The following PPARGC1A variants were observed in gnomAD, a reference collection of about 807,000 sequenced individuals.
PPARGC1A encodes PPARG coactivator 1 alpha, also known as peroxisome proliferator-activated receptor gamma coactivator 1-alpha.
Under a neutral mutation model 88.7 loss-of-function variants are expected in PPARGC1A, and 25 were observed. That is an observed-to-expected ratio of 0.28 (90% CI 0.21 to 0.39). The LOEUF (loss-of-function observed/expected upper bound fraction) is 0.39. PPARGC1A is among the 10% of genes least tolerant of loss of function. The pLI is 1.00. For missense variants in PPARGC1A, 880 were observed against 968.7 expected (o/e 0.91, Z 1.22); for synonymous variants, 363 against 355.6 (o/e 1.02, Z -0.24).
chr4:23,907,818 C>T (rs1367795706), upstream of PPARGC1A, among the ~76,000 whole-genome samples: 1 of 152,118 alleles, frequency 6.6e-6, no homozygotes, highest in Non-Finnish European at 1.5e-5. Context: ...AATAAATGCA[C>T]ACATTAAGAT....
At position 23,814,498 on chromosome 4, in the gene PPARGC1A, T is replaced by A; in HGVS notation, c.985A>T (p.Lys329Ter). 1 of 1,613,730 alleles carries A rather than the reference T, an allele frequency of 6.2e-7. No individual in the cohort carries two copies. The highest frequency in any genetic ancestry group is 8.5e-7 in the Non-Finnish European group (1 of 1,179,894). ...GAAGACTCACTGTACCTGGGCTTCT[T>A]TGATGGTGGTGGCACCACAGTCTTG... Reference protein sequence around the residue: ...SCKTVVPPPSKKPRYSESSGT... With the variant: ...SCKTVVPPPS The change falls in exon 8 of 13, where the codon AAG becomes TAG. Residue 329 changes from lysine to a stop codon, truncating the protein, a stop_gained. Coordinates refer to ENST00000264867, the MANE Select transcript of PPARGC1A (RefSeq NM_013261.5). LOFTEE classifies it high-confidence loss of function.
chr4:24,221,975 C>A, the PPARGC1A span, among the ~76,000 whole-genome samples: 4 of 151,936 alleles, frequency 2.6e-5, no homozygotes, highest in African/African-American at 9.7e-5. Flanking sequence ...TTAGCAAGTC[C>A]CAGTGTTTGG....
chr4:23,982,975 T>A, the PPARGC1A span, among the ~76,000 whole-genome samples: 1 of 152,162 alleles, frequency 6.6e-6, no homozygotes, highest in South Asian at 2.1e-4. Flanking sequence ...TCCCCCTTTT[T>A]TACACACTGT....
chr4:24,340,506 C>T, the PPARGC1A span, among the ~76,000 whole-genome samples: 1 of 152,086 alleles, frequency 6.6e-6, no homozygotes, highest in African/African-American at 2.4e-5. Context: ...CCCATAATTA[C>T]ACTGATTAAA....
the PPARGC1A span, among the ~76,000 whole-genome samples, chr4:24,190,948 G>T: frequency 1.2e-4 from 7 of 59,252 alleles, no homozygotes; most frequent in Admixed American, 4.3e-4. Flanking sequence ...CCTGCAGGGT[G>T]CCTGAATACT....
chr4:23,921,657 T>C, the PPARGC1A span, among the ~76,000 whole-genome samples: 2 of 152,206 alleles, frequency 1.3e-5, no homozygotes, highest in Non-Finnish European at 2.9e-5. Flanking sequence ...ACTTTGTGTG[T>C]GGCTCTCCTG....
the PPARGC1A span, among the ~76,000 whole-genome samples, chr4:24,417,787 T>C: frequency 6.6e-6 from 1 of 152,110 alleles, no homozygotes; most frequent in Non-Finnish European, 1.5e-5. Flanking sequence ...ATAACATATA[T>C]GTATAGAAAA....
chr4:24,236,932 G>T, the PPARGC1A span, among the ~76,000 whole-genome samples: 1 of 152,130 alleles, frequency 6.6e-6, no homozygotes. Flanking sequence ...ATTAACATGC[G>T]CACTGAAAAC....
chr4:24,213,725 TTGTG>T, the PPARGC1A span, among the ~76,000 whole-genome samples: 1 of 151,668 alleles, frequency 6.6e-6, no homozygotes, highest in Admixed American at 6.6e-5. Flanking sequence ...GTGCATGTGT[TTGTG>T]TGTGTGTGTG....
chr4:24,310,385 T>A, the PPARGC1A span, among the ~76,000 whole-genome samples: 1 of 152,224 alleles, frequency 6.6e-6, no homozygotes, highest in Admixed American at 6.5e-5. Flanking sequence ...TCTAGGTCCT[T>A]CATATAGTTG....
the PPARGC1A span, among the ~76,000 whole-genome samples, chr4:24,437,633 G>T: frequency 2.8e-5 from 4 of 140,928 alleles, no homozygotes; most frequent in African/African-American, 1.1e-4. Flanking sequence ...TGTTGTTGTT[G>T]TTGTTTTAGT....
chr4:24,169,889 A>G, the PPARGC1A span, among the ~76,000 whole-genome samples: 1 of 152,188 alleles, frequency 6.6e-6, no homozygotes, highest in African/African-American at 2.4e-5. Context: ...CACATAAACT[A>G]TTTTACATGA....
chr4:24,301,487 C>T, the PPARGC1A span, among the ~76,000 whole-genome samples: 58 of 151,854 alleles, frequency 3.8e-4, no homozygotes, highest in Middle Eastern at 6.8e-3. Context: ...AAATAGCCTG[C>T]GGTCTATTTA....
At chr4:24,313,670 T>C in the PPARGC1A span, among the ~76,000 whole-genome samples, 1 of 152,156 alleles carries the variant, frequency 6.6e-6, no homozygotes, top group Non-Finnish European at 1.5e-5. Flanking sequence ...ATGTATGCAA[T>C]TGGAAATTCT....
At chr4:23,930,600 T>C in the PPARGC1A span, among the ~76,000 whole-genome samples, 4 of 152,178 alleles carry the variant, frequency 2.6e-5, no homozygotes, top group Admixed American at 6.5e-5. Flanking sequence ...AAAGAGCATA[T>C]ATCATTCAAG....
the PPARGC1A span, among the ~76,000 whole-genome samples, chr4:24,299,557 T>A: frequency 1.3e-5 from 2 of 152,178 alleles, no homozygotes; most frequent in Admixed American, 6.5e-5. Context: ...ATTAAAGAGC[T>A]AGCTCACTCC....
the PPARGC1A span, among the ~76,000 whole-genome samples, chr4:23,975,795 T>C: frequency 6.6e-6 from 1 of 152,204 alleles, no homozygotes; most frequent in Admixed American, 6.5e-5. Context: ...GTTCAAATTC[T>C]TCAGCCAGTT....
At chr4:24,471,179 C>A in the PPARGC1A span, among the ~76,000 whole-genome samples, 2 of 151,946 alleles carry the variant, frequency 1.3e-5, no homozygotes, top group South Asian at 2.1e-4. The surrounding 1 kb of genome is among the most constrained non-coding windows in gnomAD (Gnocchi z 5.4). Context: ...CCAGCTCCCC[C>A]CGCGGTGCGC....
chr4:24,430,796 G>A, the PPARGC1A span, among the ~76,000 whole-genome samples: 1 of 152,156 alleles, frequency 6.6e-6, no homozygotes, highest in African/African-American at 2.4e-5. Context: ...GACATGGTAT[G>A]AGTCTGAAGT....
Sources: allele counts gnomAD v4.1 joint callset (sites outside exome capture counted in the v4.1 genomes callset), GRCh38; gene constraint gnomAD v4.1.1; non-coding constraint Gnocchi (gnomAD v3.1); transcripts MANE v1.5; gene names NCBI Gene and HGNC (gene_info 2026-07-23, HGNC 2026-07-21).